HEATR1: variants seen among roughly 807,000 people sequenced by gnomAD.
HEATR1 encodes HEAT repeat-containing protein 1.
HEATR1 carries 77 observed loss-of-function variants against 248.2 expected under a neutral mutation model. The ratio of observed to expected loss-of-function variants is 0.31; its 90% confidence interval spans 0.26 to 0.37. The LOEUF is 0.37. Among genes scored for constraint, HEATR1 ranks in the 10% least tolerant of loss-of-function variants. The pLI, the probability that HEATR1 is intolerant of heterozygous loss-of-function variation, is 1.00. For synonymous variants in HEATR1, 897 were observed against 923.1 expected (o/e 0.97, Z 0.51); for missense variants, 2,420 against 2,504.9 (o/e 0.97, Z 0.72).
intron 31 of HEATR1, 70 bp from the exon 32 acceptor site, chr1:236,564,731 T>A: frequency 7.1e-7 from 1 of 1,406,336 alleles, no homozygotes; most frequent in Non-Finnish European, 9.7e-7. Context: ...TTAACAGATA[T>A]AACCTTTCAA....
chr1:236,601,353 T>G (rs1377247935), intron 3 of HEATR1, among the ~76,000 whole-genome samples: 1 of 151,998 alleles, frequency 6.6e-6, no homozygotes, highest in African/African-American at 2.4e-5. Flanking sequence ...TTCAAGCAAT[T>G]CTCCTGCCTC....
rs747788869 is a variant in HEATR1, at chr1:236,558,363, A to G, written c.5078T>C (p.Leu1693Pro). Reference sequence around the variant, plus strand: ...AGCAATCAGTTTCACAGCAGTGTTCAGCACTGGGACAAAAGGATCTGGATT... The same window carrying G: ...AGCAATCAGTTTCACAGCAGTGTTCGGCACTGGGACAAAAGGATCTGGATT... The part of the protein sequence containing the change: ...AENPDPFVPV[L>P]NTAVKLIAPE... The change falls in exon 36 of 45, where the codon CTG becomes CCG. Residue 1693 changes from leucine (L) to proline (P), a missense_variant. Coordinates refer to ENST00000366582, the MANE Select transcript of HEATR1 (RefSeq NM_018072.6). 1 of 1,614,194 alleles carries G rather than the reference A, an allele frequency of 6.2e-7. No homozygotes were observed.
At chr1:236,555,109 A>G (rs1029385896) in intron 41 of HEATR1, among the ~76,000 whole-genome samples, 187 bp downstream of exon 41, 1 of 152,214 alleles carries the variant, frequency 6.6e-6, no homozygotes, top group Non-Finnish European at 1.5e-5. Flanking sequence ...GTGACTTATA[A>G]CATTCGCTCA....
At chr1:236,564,987 G>A (rs1427475626) in intron 31 of HEATR1, among the ~76,000 whole-genome samples, 4 of 152,212 alleles carry the variant, frequency 2.6e-5, no homozygotes, top group Non-Finnish European at 5.9e-5. Context: ...TTTATTCAAT[G>A]TGTCTAATGT....
chr1:236,574,784 A>G lies in HEATR1; in HGVS notation c.3204T>C (p.Asn1068=). The G allele has an allele frequency of 6.2e-7, 1 of 1,614,016 alleles. No individual in the cohort carries two copies. Among genetic ancestry groups the G allele is most frequent in the Non-Finnish European group, 8.5e-7 (1 of 1,179,884 alleles). ...MVLHLTLGKY[N]EFSVSLLNED... is the part of the protein sequence containing the mutation. ...CATTTAAAAGGGAAACTGAAAATTC[A>G]TTATACTTTCCCAGAGTGAGATGCA... The change falls in exon 23 of 45, where the codon AAT becomes AAC. Residue 1068 remains asparagine (N), a synonymous_variant. Transcript: ENST00000366582.
chr1:236,592,731 G>A (rs542155891), intron 9 of HEATR1, 98 bp from the exon 10 acceptor site: 26 of 569,546 alleles, frequency 4.6e-5, no homozygotes, highest in Non-Finnish European at 7.0e-5. Flanking sequence ...ATCTCTAATT[G>A]TCATACTTAT....
intron 6 of HEATR1, 147 bp from the exon 7 acceptor site, chr1:236,596,191 G>T: frequency 1.6e-6 from 1 of 625,726 alleles, no homozygotes; most frequent in Non-Finnish European, 2.7e-6. Context: ...CAATAAAGGA[G>T]CTGACCCCTT....
At position 236,557,338 on chromosome 1, in the gene HEATR1, G is replaced by C. The variant is rs1474470215; in HGVS notation, c.5212C>G (p.Pro1738Ala). 3 of 1,614,016 alleles carry C rather than the reference G, an allele frequency of 1.9e-6. No individual in the cohort carries two copies. In the East Asian group the frequency reaches 6.7e-5, roughly 36 times the overall value. Reference sequence around the variant, plus strand: ...TTCTTCATTGTTGTCAGCAACGATGGCATCAGGCTAGAAACAAAGTAAGAG... The same window carrying C: ...TTCTTCATTGTTGTCAGCAACGATGCCATCAGGCTAGAAACAAAGTAAGAG... ...LAIPQLPSLM[P>A]SLLTTMKNTS... The change falls in exon 37 of 45, where the codon CCA becomes GCA. Residue 1738 changes from proline to alanine, a missense_variant. By Grantham distance (27) the Pro-to-Ala change is conservative. Coordinates refer to ENST00000366582, the MANE Select transcript of HEATR1 (RefSeq NM_018072.6).
intron 29 of HEATR1, among the ~76,000 whole-genome samples, chr1:236,568,306 A>T (rs1331752865): frequency 6.6e-6 from 1 of 152,232 alleles, no homozygotes; most frequent in East Asian, 1.9e-4. Flanking sequence ...TATATATCCT[A>T]TACTTGCCAA....
Position 236,570,294 on chromosome 1 carries a change from A to C in HEATR1, c.3948+1057T>G, listed in dbSNP as rs544220528. Among the ~76,000 whole-genome samples, 195 of 152,264 alleles carry C rather than the reference A, an allele frequency of 1.3e-3. 1 individual carries two copies. The highest frequency in any genetic ancestry group is 4.3e-3 in the African/African-American group (179 of 41,556). Reference sequence around the variant, plus strand: ...ACAGAGCGAGACTCCGTCTCAAAACAAACAAACAAACAAACAAAAACATTA... The same window carrying C: ...ACAGAGCGAGACTCCGTCTCAAAACCAACAAACAAACAAACAAAAACATTA... On this transcript the variant is annotated intron_variant, in intron 28 of 44. Coordinates refer to ENST00000366582, the MANE Select transcript of HEATR1 (RefSeq NM_018072.6).
chr1:236,553,720 C>A lies in HEATR1; in HGVS notation c.6098G>T (p.Gly2033Val). 6.2e-7 allele frequency: 1 copy of A among 1,612,272 alleles called. No homozygotes were observed. Among genetic ancestry groups the A allele is most frequent in the Non-Finnish European group, 8.5e-7 (1 of 1,179,102 alleles). Residue 2033 changes from glycine to valine, a missense_variant, in exon 43 of 45, where the codon GGA (glycine) becomes GTA (valine). Transcript: ENST00000366582. ...CACCCGTTCCTGGAATTTCTCTTCTCCCCCAAGCCTGTTTTCCAGCTAGGA... is the reference window on the plus strand; with the variant it reads ...CACCCGTTCCTGGAATTTCTCTTCTACCCCAAGCCTGTTTTCCAGCTAGGA... ...LVDQLENRLG[G>V]EEKFQERVTK...
Position 236,559,121 on chromosome 1 carries a change from C to G in HEATR1, c.4785G>C (p.Leu1595=). 1 of 1,585,372 alleles carries G rather than the reference C, an allele frequency of 6.3e-7. No individual in the cohort carries two copies. Residue 1595 remains leucine, a synonymous_variant, in exon 35 of 45, where the codon CTG becomes CTC. Transcript: ENST00000366582. ...TCACAGGAATGAATGTCTCTGTGGG[C>G]AGCAAGGCATTGACCTAAAGAGAAA... is the stretch of plus-strand genomic sequence containing the variant. ...YDLLDKVNAL[L]PTETFIPVIR... is the part of the protein sequence containing the mutation.
chr1:236,577,677 G>T (rs922874361), intron 20 of HEATR1, among the ~76,000 whole-genome samples: 1 of 148,924 alleles, frequency 6.7e-6, no homozygotes, highest in Non-Finnish European at 1.5e-5. Context: ...TAGTAGAGAC[G>T]GGGTTTCTTC....
Position 236,596,912 on chromosome 1 carries a change from G to A in HEATR1, c.668C>T (p.Thr223Ile). 1 of 1,614,062 alleles carries A rather than the reference G, an allele frequency of 6.2e-7. No individual in the cohort carries two copies. Among genetic ancestry groups the A allele is most frequent in the Non-Finnish European group, 8.5e-7 (1 of 1,179,954 alleles). Residue 223 changes from threonine to isoleucine, a missense_variant, in exon 6 of 45, where the codon ACC (threonine) becomes ATC (isoleucine). Thr to Ile is a moderately conservative substitution (Grantham distance 89). Coordinates refer to ENST00000366582, the MANE Select transcript of HEATR1 (RefSeq NM_018072.6). ...TGCAGCTACCAGCGCCGACACTATG[G>A]TAGAAGCATAGAAAGCCAAGAGCAC... Reference protein sequence around the residue: ...LRVLLAFYASTIVSALVAAED... With the variant: ...LRVLLAFYASIIVSALVAAED...
At position 236,566,846 on chromosome 1, in the gene HEATR1, T is replaced by C; in HGVS notation, c.4108A>G (p.Arg1370Gly). 1 of 1,614,078 alleles carries C rather than the reference T, an allele frequency of 6.2e-7. No individual in the cohort carries two copies. Among genetic ancestry groups the C allele is most frequent in the Non-Finnish European group, 8.5e-7 (1 of 1,179,968 alleles). ...SDSGDSIEVS[R>G]NVEEIVVKII... ...TTTACCACAATCTCTTCAACGTTTC[T>C]TGAAACTTCTATAGAATCTCCACTA... is the stretch of plus-strand genomic sequence containing the variant. Residue 1370 changes from arginine (R) to glycine (G), a missense_variant, in exon 30 of 45, where the codon AGA becomes GGA. Coordinates refer to ENST00000366582, the MANE Select transcript of HEATR1 (RefSeq NM_018072.6).
At chr1:236,573,387 G>C (rs1421197367) in intron 24 of HEATR1, among the ~76,000 whole-genome samples, 1 of 152,100 alleles carries the variant, frequency 6.6e-6, no homozygotes, top group Non-Finnish European at 1.5e-5. Context: ...TTAGATATGG[G>C]GTGGGATCCA....
In HEATR1 at chr1:236,557,290, C is replaced by T. The variant is rs1303101968; in HGVS notation, c.5260G>A (p.Glu1754Lys). 1.5e-5 allele frequency: 25 copies of T among 1,614,006 alleles called. No individual in the cohort carries two copies. The highest frequency in any genetic ancestry group is 5.0e-5 in the Admixed American group (3 of 60,010). The change falls in exon 37 of 45, where the codon GAG (glutamate) becomes AAG (lysine). Residue 1754 changes from glutamate to lysine, a missense_variant. Coordinates refer to ENST00000366582, the MANE Select transcript of HEATR1 (RefSeq NM_018072.6). The part of the protein sequence containing the change: ...MKNTSELVSS[E>K]VYLLSALAAL... ...GCCAAGGCACTGAGCAGGTAGACCT[C>T]GCTGGAGACCAGCTCGCTGGTGTTC...
Position 236,552,034 on chromosome 1 carries a change from G to C in HEATR1, c.6311C>G (p.Pro2104Arg), listed in dbSNP as rs781633733. 1.2e-6 allele frequency: 2 copies of C among 1,612,728 alleles called. No homozygotes were observed. The highest frequency in any genetic ancestry group is 1.7e-6 in the Non-Finnish European group (2 of 1,178,938). Reference protein sequence around the residue: ...KLKENYIVLLPESIPFLAELM... With the variant: ...KLKENYIVLLRESIPFLAELM... ...CTCTGCTAAGAAAGGAATGGATTCT[G>C]GTAGCAAGACAATATAATTCTCCTT... Residue 2104 changes from proline (P) to arginine (R), a missense_variant, in exon 44 of 45, where the codon CCA becomes CGA. Transcript: ENST00000366582.
rs965472506 is a variant in HEATR1, at chr1:236,566,519, G to T, written c.4308+127C>A. ...AATGCCAAAAACCTTTTTGAAAAAGGTTCTGAGCAAAAAGGTTCTAAATAA... is the reference window on the plus strand; with the variant it reads ...AATGCCAAAAACCTTTTTGAAAAAGTTTCTGAGCAAAAAGGTTCTAAATAA... On this transcript the variant is annotated intron_variant, in intron 30 of 44. Transcript: ENST00000366582. 14 of 730,368 alleles carry T rather than the reference G, an allele frequency of 1.9e-5. No individual in the cohort carries two copies. In the African/African-American group the frequency reaches 2.1e-4, roughly 11 times the overall value. 45.2% of individuals were successfully genotyped at this position (730,368 alleles called of 1,614,324 possible).
Sources: gnomAD v4.1 joint callset for allele counts (sites outside exome capture counted in the v4.1 genomes callset) on GRCh38, gnomAD v4.1.1 for gene constraint, MANE v1.5 for transcripts, NCBI Gene and HGNC (gene_info 2026-07-23, HGNC 2026-07-21) for gene names.